OSBPL10: variants seen among roughly 807,000 people sequenced by gnomAD.
The protein encoded by OSBPL10 is oxysterol binding protein like 10, also known as oxysterol-binding protein-related protein 10.
In OSBPL10, 49 loss-of-function variants were observed where a neutral mutation model predicts 81.7. The observed-to-expected ratio is 0.60, with a 90% confidence interval of 0.48 to 0.76. The LOEUF is 0.76. Among genes scored for constraint, OSBPL10 ranks in the 30% least tolerant of loss-of-function variants. The probability of loss-of-function intolerance (pLI) is 0.00; values close to 1 mark genes in which losing one functional copy is unlikely to be tolerated. For missense variants in OSBPL10, 923 were observed against 987.8 expected (o/e 0.93, Z 0.88); for synonymous variants, 419 against 383.6 (o/e 1.09, Z -1.08).
At chr3:31,799,106 A>G (rs955146928) in intron 4 of OSBPL10, among the ~76,000 whole-genome samples, 11 of 152,186 alleles carry the variant, frequency 7.2e-5, no homozygotes, top group Non-Finnish European at 1.2e-4. Context: ...CAAGGTATAC[A>G]TATGTCAGCA....
intron 6 of OSBPL10, among the ~76,000 whole-genome samples, chr3:31,722,432 G>A (rs1362760343): frequency 5.9e-5 from 9 of 151,898 alleles, no homozygotes; most frequent in African/African-American, 2.2e-4. Context: ...TACCTAAAAT[G>A]GGCAAGGATT....
intron 1 of OSBPL10, among the ~76,000 whole-genome samples, chr3:32,070,210 C>A (rs1382301666): frequency 1.3e-5 from 2 of 152,176 alleles, no homozygotes; most frequent in African/African-American, 4.8e-5. Context: ...ACCTTCTTTT[C>A]AAGGGCCTGT....
intron 1 of OSBPL10, among the ~76,000 whole-genome samples, chr3:31,970,764 G>C (rs1408560370): frequency 6.6e-6 from 1 of 151,800 alleles, no homozygotes; most frequent in Non-Finnish European, 1.5e-5. Context: ...TTTGTGATCT[G>C]TGGTCTCAGC....
At chr3:31,852,628 G>C (rs957113260) in intron 3 of OSBPL10, among the ~76,000 whole-genome samples, 5 of 152,074 alleles carry the variant, frequency 3.3e-5, no homozygotes, top group African/African-American at 1.2e-4. Flanking sequence ...ACCCAGGCTG[G>C]AGTGCAGTGG....
intron 1 of OSBPL10, chr3:31,907,125 C>A (rs1289562356): frequency 6.6e-6 from 1 of 152,110 alleles, no homozygotes; most frequent in Non-Finnish European, 1.5e-5. Flanking sequence ...AGGTCTGTGA[C>A]CAGGGAGTAA....
intron 3 of OSBPL10, among the ~76,000 whole-genome samples, chr3:31,873,134 T>C (rs1701373630): frequency 1.6e-5 from 2 of 124,476 alleles, no homozygotes; most frequent in South Asian, 5.4e-4. Context: ...GTTACTCGAC[T>C]CTATATATTT....
At position 31,809,716 on chromosome 3, in the gene OSBPL10, C is replaced by T. The variant is rs576716609; in HGVS notation, c.729+20324G>A. The stretch of plus-strand genomic sequence containing the variant: ...TTGTAGTTCTGGAATATGAATGTGC[C>T]AACAAACCAGAGAAAACCATAGACC... On this transcript the variant is annotated intron_variant, in intron 4 of 11. Transcript: ENST00000396556. Among the ~76,000 whole-genome samples, 4 of 152,096 alleles carry T rather than the reference C, an allele frequency of 2.6e-5. No individual in the cohort carries two copies. The South Asian group carries it at 8.3e-4, about 32-fold the overall frequency.
rs11303839 is a variant in OSBPL10 at position 32,010,140 on chromosome 3, AT to A, written n.298+36350del. ...CCTACTCAACCTCAGGAGGCTGCCC[AT>A]TTTTTTTTTTTTAAGAGGAAGAGAG... On this transcript the variant is annotated intron_variant and non_coding_transcript_variant, in intron 2 of 3. Coordinates refer to the OSBPL10 transcript ENST00000479173. Among the ~76,000 whole-genome samples, 1,362 of 146,500 alleles carry A rather than the reference AT, an allele frequency of 9.3e-3. 7 individuals carry two copies. The highest frequency in any genetic ancestry group is 0.026 in the African/African-American group (1,029 of 40,084).
chr3:31,786,648 G>A (rs900862547), intron 4 of OSBPL10, among the ~76,000 whole-genome samples: 9 of 152,170 alleles, frequency 5.9e-5, no homozygotes, highest in Non-Finnish European at 1.2e-4. Flanking sequence ...ACCTCTTAAC[G>A]CTGTTGCCCT....
intron 1 of OSBPL10, among the ~76,000 whole-genome samples, chr3:31,945,011 C>T (rs965080633): frequency 2.0e-4 from 30 of 151,408 alleles, no homozygotes; most frequent in Non-Finnish European, 4.0e-4. Flanking sequence ...ATTAGCTGGG[C>T]GTGGTGGCAC....
chr3:31,823,013 A>AT (rs1700018984), intron 4 of OSBPL10, among the ~76,000 whole-genome samples: 1 of 151,954 alleles, frequency 6.6e-6, no homozygotes. Context: ...GATCAAATTA[A>AT]TTTTTTAAAA....
intron 8 of OSBPL10, among the ~76,000 whole-genome samples, chr3:31,676,266 C>A (rs200407217): frequency 0.027 from 1,274 of 46,546 alleles, 19 homozygotes; most frequent in African/African-American, 0.26. Context: ...AGTACATACT[C>A]TTTTTTTTCA....
At chr3:31,734,061 CA>C (rs1697072389) in intron 5 of OSBPL10, among the ~76,000 whole-genome samples, 1 of 151,980 alleles carries the variant, frequency 6.6e-6, no homozygotes, top group South Asian at 2.1e-4. Flanking sequence ...CAGATTCTAT[CA>C]AAAATAGGCT....
intron 4 of OSBPL10, among the ~76,000 whole-genome samples, chr3:31,805,317 T>G (rs1397075833): frequency 6.6e-6 from 1 of 152,140 alleles, no homozygotes; most frequent in East Asian, 1.9e-4. Context: ...GAAATGCTGG[T>G]CTCAAAGAAT....
chr3:32,001,200 A>G (rs899711959), intron 2 of OSBPL10, among the ~76,000 whole-genome samples: 9 of 152,168 alleles, frequency 5.9e-5, no homozygotes, highest in African/African-American at 1.4e-4. Flanking sequence ...GCAACCAAGC[A>G]GCGATGCCTA....
At chr3:31,994,491 AGGATGGATGGATGGAT>A (rs200832488) in intron 2 of OSBPL10, among the ~76,000 whole-genome samples, 15 of 149,648 alleles carry the variant, frequency 1.0e-4, no homozygotes, top group East Asian at 7.9e-4. Context: ...AGGGAAAAAA[AGGATGGATGGATGGAT>A]GGATGGATGG....
intron 1 of OSBPL10, among the ~76,000 whole-genome samples, chr3:32,074,377 C>T (rs1442008168): frequency 6.6e-6 from 1 of 152,158 alleles, no homozygotes; most frequent in East Asian, 1.9e-4. Flanking sequence ...CAACAGCCTA[C>T]TGGAATCCCT....
intron 8 of OSBPL10, among the ~76,000 whole-genome samples, chr3:31,675,781 C>T (rs1225306519): frequency 6.6e-6 from 1 of 151,688 alleles, no homozygotes; most frequent in East Asian, 1.9e-4. Flanking sequence ...CCCATCTCTA[C>T]TAAAAATACC....
At chr3:32,018,073 G>C (rs1699330919) in intron 2 of OSBPL10, among the ~76,000 whole-genome samples, 1 of 151,832 alleles carries the variant, frequency 6.6e-6, no homozygotes, top group African/African-American at 2.4e-5. Flanking sequence ...ACTTGAACCT[G>C]GGAGGCGGAA....
Sources: gnomAD v4.1 joint callset for allele counts (sites outside exome capture counted in the v4.1 genomes callset) on GRCh38, gnomAD v4.1.1 for gene constraint, MANE v1.5 for transcripts, NCBI Gene and HGNC (gene_info 2026-07-23, HGNC 2026-07-21) for gene names.